Variants in HDAC9 observed in about 807,000 individuals in gnomAD.
HDAC9 encodes the protein histone deacetylase 9, also known as MEF-2 interacting transcription repressor (MITR) protein.
HDAC9 carries 41 observed loss-of-function variants against 139.4 expected under a neutral mutation model. The observed-to-expected ratio is 0.29, with a 90% CI of 0.23 to 0.38. The LOEUF (loss-of-function observed/expected upper bound fraction) is 0.38. Among genes scored for constraint, HDAC9 ranks in the 10% least tolerant of loss-of-function variants. The pLI is 1.00. For missense variants in HDAC9, 1,147 were observed against 1,297.0 expected (o/e 0.88, Z 1.78); for synonymous variants, 517 against 476.2 (o/e 1.09, Z -1.12).
chr7:18,744,272 G>A (rs528752118), intron 13 of HDAC9, among the ~76,000 whole-genome samples: 1 of 152,172 alleles, frequency 6.6e-6, no homozygotes, highest in Admixed American at 6.5e-5. Context: ...GATTAGAGGC[G>A]TGAGCCACCG....
At chr7:18,633,334 T>C (rs1206786958) in intron 7 of HDAC9, among the ~76,000 whole-genome samples, 1 of 152,052 alleles carries the variant, frequency 6.6e-6, no homozygotes, top group East Asian at 1.9e-4. Context: ...GTAAGCTATA[T>C]TGCCAAGGCT....
chr7:18,416,013 G>T (rs1757182554), intron 1 of HDAC9, among the ~76,000 whole-genome samples: 1 of 152,074 alleles, frequency 6.6e-6, no homozygotes, highest in Admixed American at 6.5e-5. Flanking sequence ...AATTTTTGCA[G>T]CCAGGCTCAG....
intron 1 of HDAC9, among the ~76,000 whole-genome samples, chr7:18,469,199 G>T (rs569629562): frequency 6.6e-6 from 1 of 152,156 alleles, no homozygotes; most frequent in African/African-American, 2.4e-5. Context: ...GTGGACCTAT[G>T]TATGTGTATG....
intron 12 of HDAC9, among the ~76,000 whole-genome samples, chr7:18,674,951 C>T (rs552620674): frequency 1.3e-5 from 2 of 152,022 alleles, no homozygotes; most frequent in African/African-American, 2.4e-5. Flanking sequence ...TTGACTATGA[C>T]TTCTAATATC....
At chr7:18,595,913 AGCT>A (rs1279817519) in intron 6 of HDAC9, among the ~76,000 whole-genome samples, 1 of 152,090 alleles carries the variant, frequency 6.6e-6, no homozygotes, top group Admixed American at 6.6e-5. Flanking sequence ...ATAAATAACA[AGCT>A]GTTAATTTAT....
At chr7:18,158,229 C>A (rs538454190) in intron 1 of HDAC9, among the ~76,000 whole-genome samples, 4 of 152,146 alleles carry the variant, frequency 2.6e-5, no homozygotes, top group Admixed American at 2.0e-4. Flanking sequence ...AGTTAAAAAC[C>A]AAAATGATTA....
intron 8 of HDAC9, among the ~76,000 whole-genome samples, chr7:18,641,039 CT>C (rs1785437780): frequency 6.6e-6 from 1 of 152,084 alleles, no homozygotes; most frequent in South Asian, 2.1e-4. Context: ...GAGTTTTTAC[CT>C]TTCTGAATCC....
At chr7:18,318,209 T>C (rs950708927) in intron 1 of HDAC9, among the ~76,000 whole-genome samples, 1 of 152,156 alleles carries the variant, frequency 6.6e-6, no homozygotes, top group African/African-American at 2.4e-5. Flanking sequence ...GAGCCCTTCG[T>C]GAAGTAAGGG....
chr7:18,953,558 C>T (rs1782949312), intron 23 of HDAC9, among the ~76,000 whole-genome samples: 1 of 152,110 alleles, frequency 6.6e-6, no homozygotes, highest in African/African-American at 2.4e-5. Flanking sequence ...CAGACATCTG[C>T]ATAGTTATGA....
chr7:18,809,870 A>G (rs1794036384), intron 17 of HDAC9, among the ~76,000 whole-genome samples: 1 of 152,014 alleles, frequency 6.6e-6, no homozygotes, highest in African/African-American at 2.4e-5. Flanking sequence ...ACTTCTGAAT[A>G]TTCATACAGA....
intron 2 of HDAC9, among the ~76,000 whole-genome samples, chr7:18,584,930 C>T (rs1312669159): frequency 3.6e-5 from 1 of 27,742 alleles, no homozygotes; most frequent in African/African-American, 7.2e-5. Flanking sequence ...CAACATAATT[C>T]CATTTTTTTT....
intron 8 of HDAC9, among the ~76,000 whole-genome samples, chr7:18,636,872 T>A (rs1224288716): frequency 1.1e-5 from 1 of 95,046 alleles, no homozygotes; most frequent in Non-Finnish European, 2.1e-5. Context: ...ACAACTTGGT[T>A]ACAATTTTTT....
chr7:18,945,017 T>C (rs945466164), intron 23 of HDAC9, among the ~76,000 whole-genome samples: 1 of 152,216 alleles, frequency 6.6e-6, no homozygotes, highest in African/African-American at 2.4e-5. Context: ...ACATTTTATA[T>C]GTGTTTCTTG....
At chr7:18,679,482 C>T (rs767873381) in intron 12 of HDAC9, among the ~76,000 whole-genome samples, 1 of 151,564 alleles carries the variant, frequency 6.6e-6, no homozygotes, top group Non-Finnish European at 1.5e-5. Context: ...CTCCCACCCT[C>T]TCTCCCTTTC....
chr7:18,088,156 A>T (rs958551697), intron 1 of HDAC9: 1 of 152,226 alleles, frequency 6.6e-6, no homozygotes. Flanking sequence ...TTGAAATCCT[A>T]TAAGAAATGA....
intron 21 of HDAC9, among the ~76,000 whole-genome samples, chr7:18,856,358 C>G (rs1797679161): frequency 6.6e-6 from 1 of 152,062 alleles, no homozygotes; most frequent in African/African-American, 2.4e-5. Context: ...AAGTAAGAAT[C>G]TATCCCTAAA....
chr7:18,949,325 T>C (rs1401559945), intron 23 of HDAC9: 2 of 253,086 alleles, frequency 7.9e-6, no homozygotes, highest in Non-Finnish European at 1.5e-5. Flanking sequence ...CTACCACCTC[T>C]AGAGGCAGCT....
At chr7:18,957,764 C>T (rs543970742) in intron 24 of HDAC9, among the ~76,000 whole-genome samples, 44 of 152,154 alleles carry the variant, frequency 2.9e-4, no homozygotes, top group Non-Finnish European at 5.3e-4. Flanking sequence ...TTCCTCTTCA[C>T]ATACGTCTCT....
intron 1 of HDAC9, among the ~76,000 whole-genome samples, chr7:18,345,521 A>G (rs775114561): frequency 6.6e-6 from 1 of 151,500 alleles, no homozygotes; most frequent in Non-Finnish European, 1.5e-5. Context: ...GTGAAAGTAC[A>G]TGATTGTGTT....
Sources: allele counts gnomAD v4.1 joint callset (sites outside exome capture counted in the v4.1 genomes callset), GRCh38; gene constraint gnomAD v4.1.1; transcripts MANE v1.5; gene names NCBI Gene and HGNC (gene_info 2026-07-23, HGNC 2026-07-21).